The following CPM variants were observed in gnomAD, a reference collection of about 807,000 sequenced individuals.
CPM encodes renal carboxypeptidase.
In CPM, 35 loss-of-function variants were observed where a neutral mutation model predicts 46.4. The ratio of observed to expected loss-of-function variants is 0.75; its 90% CI spans 0.58 to 1.00. CPM has a LOEUF of 1.00. Among genes scored for constraint, CPM ranks in the 50% least tolerant of loss-of-function variants. CPM has a pLI of 0.00. For synonymous variants in CPM, 195 were observed against 195.3 expected (o/e 1.00, Z 0.01); for missense variants, 422 against 530.4 (o/e 0.80, Z 2.01).
chr12:68,875,914 CAAATA>C (rs1271415338), intron 3 of CPM, among the ~76,000 whole-genome samples: 1 of 151,828 alleles, frequency 6.6e-6, no homozygotes, highest in African/African-American at 2.4e-5. Flanking sequence ...TCTGTTAATT[CAAATA>C]AAATAAAATT....
At chr12:68,848,096 T>G (rs1283644460), downstream of CPM, 2 of 152,162 alleles carry the variant, frequency 1.3e-5, no homozygotes, top group African/African-American at 4.8e-5. Flanking sequence ...GCCACTACAC[T>G]CTGCTTAGGA....
At chr12:68,908,169 C>T (rs1351719695) in intron 2 of CPM, among the ~76,000 whole-genome samples, 1 of 152,126 alleles carries the variant, frequency 6.6e-6, no homozygotes, top group Admixed American at 6.6e-5. Context: ...CATTTTTGTA[C>T]CAGATGAGGG....
upstream of CPM, among the ~76,000 whole-genome samples, chr12:68,936,376 A>T (rs1176628374): frequency 6.6e-6 from 1 of 151,986 alleles, no homozygotes; most frequent in Non-Finnish European, 1.5e-5. Context: ...TTTAGAGGTG[A>T]TCTTCTTTCT....
At chr12:68,950,132 T>C (rs1280143890) in intron 1 of CPM, among the ~76,000 whole-genome samples, 1 of 151,538 alleles carries the variant, frequency 6.6e-6, no homozygotes, top group Non-Finnish European at 1.5e-5. Flanking sequence ...CAGGGCTGGT[T>C]CCTCAGAGGG....
chr12:68,913,412 C>T (rs112567929), intron 2 of CPM, among the ~76,000 whole-genome samples: 3,146 of 152,192 alleles, frequency 0.021, 123 homozygotes, highest in African/African-American at 0.072. Flanking sequence ...GTGGGGAGGG[C>T]CAACAGTGGG....
At chr12:68,917,515 T>C (rs539234851) in intron 2 of CPM, among the ~76,000 whole-genome samples, 1 of 152,372 alleles carries the variant, frequency 6.6e-6, no homozygotes, top group Non-Finnish European at 1.5e-5. Flanking sequence ...GCATTCAACA[T>C]TAACCATGAC....
intron 5 of CPM, chr12:68,843,242 TA>T (rs533905903): frequency 6.5e-4 from 147 of 226,262 alleles, no homozygotes; most frequent in African/African-American, 3.1e-3. Context: ...GAACTCCAAA[TA>T]ATGCTTTGAG....
At position 68,860,886 on chromosome 12, in the gene CPM, C is replaced by CT. The variant is rs879812846; in HGVS notation, c.941-1816dup. On this transcript the variant is annotated intron_variant, in intron 7 of 8. Coordinates refer to ENST00000551568, the MANE Select transcript of CPM (RefSeq NM_198320.5). ...TTAATTCTTGCTTTCCTTTCTTCTT[C>CT]TTTTTTTTTTTTTAGACAGGGTCTT... 3.0e-3 allele frequency among the ~76,000 whole-genome samples: 428 copies of CT among 143,600 alleles called. 3 individuals are homozygous for CT. Among genetic ancestry groups the CT allele is most frequent in the East Asian group, 0.011 (53 of 4,974 alleles). The allele number at this position is 143,600 out of a possible 152,430, so 94.2% of individuals were successfully genotyped here.
chr12:68,894,526 G>GTTCT (rs1452565847), intron 2 of CPM, among the ~76,000 whole-genome samples: 21 of 152,212 alleles, frequency 1.4e-4, no homozygotes, highest in African/African-American at 4.8e-4. Context: ...TAGTACCCTA[G>GTTCT]GCACAGCCCC....
chr12:68,872,480 TA>T (rs1345123592), intron 3 of CPM, among the ~76,000 whole-genome samples: 1 of 152,176 alleles, frequency 6.6e-6, no homozygotes, highest in Non-Finnish European at 1.5e-5. Flanking sequence ...CTTGAACTCC[TA>T]ACCTCAAGTG....
chr12:68,931,467 G>A (rs1300831130), intron 2 of CPM, among the ~76,000 whole-genome samples: 4 of 151,880 alleles, frequency 2.6e-5, no homozygotes, highest in Admixed American at 6.6e-5. Context: ...TATCTCGGCC[G>A]GGCACGGTGG....
chr12:68,934,152 C>T (rs1263857186), upstream of CPM, among the ~76,000 whole-genome samples: 3 of 151,984 alleles, frequency 2.0e-5, no homozygotes, highest in African/African-American at 7.3e-5. Flanking sequence ...CACTCTCTCC[C>T]GGATTGTAAG....
At chr12:68,932,887 G>A in intron 1 of CPM, 47 bp from the exon 2 acceptor site, 1 of 1,571,244 alleles carries the variant, frequency 6.4e-7, no homozygotes, top group Non-Finnish European at 8.7e-7. Flanking sequence ...CATGAGGGCA[G>A]GCGGGGGCAT....
intron 8 of CPM, among the ~76,000 whole-genome samples, chr12:68,857,911 C>A (rs569904190): frequency 1.3e-5 from 2 of 152,094 alleles, no homozygotes; most frequent in East Asian, 3.9e-4. Context: ...AAATAAAGGG[C>A]CTTTTTAGAC....
At chr12:68,920,341 CAT>C (rs1237541915) in intron 2 of CPM, among the ~76,000 whole-genome samples, 3 of 152,204 alleles carry the variant, frequency 2.0e-5, no homozygotes, top group Admixed American at 6.5e-5. Flanking sequence ...AGAATCGCCA[CAT>C]GTTAAATGAC....
At chr12:68,872,388 G>A (rs1450272346) in intron 3 of CPM, among the ~76,000 whole-genome samples, 4 of 151,902 alleles carry the variant, frequency 2.6e-5, no homozygotes, top group African/African-American at 9.7e-5. Flanking sequence ...GAGTAGCTGG[G>A]ATTACAGGCG....
At chr12:68,946,597 A>G (rs557968811) in intron 1 of CPM, among the ~76,000 whole-genome samples, 1 of 152,350 alleles carries the variant, frequency 6.6e-6, no homozygotes, top group South Asian at 2.1e-4. Flanking sequence ...CAGTTTTTCC[A>G]AGGAATTTTT....
At chr12:68,881,912 G>C (rs1471586119) in intron 3 of CPM, among the ~76,000 whole-genome samples, 1 of 151,164 alleles carries the variant, frequency 6.6e-6, no homozygotes, top group African/African-American at 2.4e-5. Context: ...AGTAGAGATG[G>C]GGTTTCACCA....
rs564925484 is a variant in CPM at position 68,927,618 on chromosome 12, T to C, written c.160+5060A>G. On this transcript the variant is annotated intron_variant, in intron 2 of 8. Transcript: ENST00000551568. The stretch of plus-strand genomic sequence containing the variant: ...CTTTTGTTGCCATTGCTTTTGGTGT[T>C]TTAGACATGAAGTCCTTGCCCGTGC... Among the ~76,000 whole-genome samples the C allele has an allele frequency of 1.1e-4, 16 of 152,278 alleles. No homozygotes were observed. In the South Asian group the frequency reaches 1.2e-3, roughly 12 times the overall value.
Sources: allele counts gnomAD v4.1 joint callset (sites outside exome capture counted in the v4.1 genomes callset), GRCh38; gene constraint gnomAD v4.1.1; transcripts MANE v1.5; gene names NCBI Gene and HGNC (gene_info 2026-07-23, HGNC 2026-07-21).